The following HEATR5B variants were observed in gnomAD, a reference collection of about 807,000 sequenced individuals.
HEATR5B encodes HEAT repeat-containing protein 5B.
In HEATR5B, 156 loss-of-function variants were observed where a neutral mutation model predicts 224.1. The ratio of observed to expected loss-of-function variants is 0.70; its 90% confidence interval spans 0.61 to 0.80. HEATR5B has a LOEUF of 0.80. HEATR5B is among the 30% of genes least tolerant of loss of function. The pLI, the probability that HEATR5B is intolerant of heterozygous loss-of-function variation, is 0.00. For synonymous variants in HEATR5B, 1,027 were observed against 893.0 expected, an observed-to-expected ratio of 1.15 and a Z score of -2.68; for missense variants, 2,323 against 2,535.5, an observed-to-expected ratio of 0.92 and a Z score of 1.80.
intron 16 of HEATR5B, 118 bp downstream of exon 16, chr2:37,056,322 C>A: frequency 1.6e-6 from 1 of 620,620 alleles, no homozygotes; most frequent in South Asian, 3.5e-5. Flanking sequence ...TGTAAGAGTA[C>A]TGTTTTAAGT....
Position 37,048,330 on chromosome 2 carries a change from A to G in HEATR5B, c.2696+1323T>C, listed in dbSNP as rs146009039. Among the ~76,000 whole-genome samples the G allele has an allele frequency of 8.7e-4, 132 of 152,096 alleles. 1 individual carries two copies. The highest frequency in any genetic ancestry group is 2.5e-3 in the African/African-American group (102 of 41,500). On this transcript the variant is annotated intron_variant, in intron 18 of 35. Coordinates refer to ENST00000233099, the MANE Select transcript of HEATR5B (RefSeq NM_019024.3). ...CTCCCAAGTAGATGGGACGATAGGT[A>G]TATTCAACCATGCCCAGCTAATTTC...
chr2:37,053,503 T>G lies in HEATR5B; in HGVS notation c.2504A>C (p.Lys835Thr), dbSNP rs1403185167. 1 of 1,572,178 alleles carries G rather than the reference T, an allele frequency of 6.4e-7. No individual in the cohort carries two copies. Among genetic ancestry groups the G allele is most frequent in the Non-Finnish European group, 8.7e-7 (1 of 1,149,946 alleles). Residue 835 changes from lysine (K) to threonine (T), a missense_variant and splice_region_variant, in exon 17 of 36, where the codon AAG (lysine) becomes ACG (threonine). Coordinates refer to ENST00000233099, the MANE Select transcript of HEATR5B (RefSeq NM_019024.3). ...NIFTAVLSALKGLAENKSTLG... is the reference protein window; with the variant it reads ...NIFTAVLSALTGLAENKSTLG... ...ATAGTATGTATTAAAAGTAAATACC[T>G]TTAGTGCACTAAGAACAGCAGTAAA...
intron 33 of HEATR5B, among the ~76,000 whole-genome samples, chr2:36,991,460 A>G (rs1666323710): frequency 6.8e-6 from 1 of 147,664 alleles, no homozygotes. Flanking sequence ...GTGTCATTGC[A>G]CTCCAGCCTG....
In HEATR5B at chr2:37,039,615, C is replaced by T. The variant is rs528341943; in HGVS notation, c.3046+714G>A. Among the ~76,000 whole-genome samples, 23 of 152,108 alleles carry T rather than the reference C, an allele frequency of 1.5e-4. No individual in the cohort carries two copies. The East Asian group carries it at 1.5e-3, about 10-fold the overall frequency. On this transcript the variant is annotated intron_variant, in intron 20 of 35. Coordinates refer to ENST00000233099, the MANE Select transcript of HEATR5B (RefSeq NM_019024.3). ...TAATATCAGTCTCTGGGTTGTTATC[C>T]GAATTAAATAATGTATGTTAAAAGC... is the stretch of plus-strand genomic sequence containing the variant.
intron 10 of HEATR5B, 96 bp from the exon 11 acceptor site, chr2:37,062,146 G>T (rs1671320374): frequency 1.4e-6 from 1 of 738,536 alleles, no homozygotes; most frequent in Non-Finnish European, 2.3e-6. Flanking sequence ...GAAGTTGTTG[G>T]CTGGATGCGG....
chr2:37,072,091 C>T lies in HEATR5B; in HGVS notation c.769+19G>A. The T allele has an allele frequency of 1.2e-6, 2 of 1,600,266 alleles. No homozygotes were observed. Among genetic ancestry groups the T allele is most frequent in the African/African-American group, 2.7e-5 (2 of 74,648 alleles). The stretch of plus-strand genomic sequence containing the variant: ...TAATTAGGTCTGTTATGGTCTAAAT[C>T]AAGGGCAAACAACAATACCTGTTGC... On this transcript the variant is annotated intron_variant, in intron 6 of 35. Coordinates refer to ENST00000233099, the MANE Select transcript of HEATR5B (RefSeq NM_019024.3).
At chr2:37,070,791 C>T (rs1671857866) in intron 6 of HEATR5B, among the ~76,000 whole-genome samples, 1 of 152,198 alleles carries the variant, frequency 6.6e-6, no homozygotes, top group African/African-American at 2.4e-5. Context: ...TAAGATGTTA[C>T]TGGGAATGCA....
chr2:37,064,842 C>G lies in HEATR5B; in HGVS notation c.1482G>C (p.Leu494Phe), dbSNP rs1572922266. Residue 494 changes from leucine (L) to phenylalanine (F), a missense_variant, in exon 10 of 36, where the codon TTG (leucine) becomes TTC (phenylalanine). Leu to Phe is a conservative substitution (Grantham distance 22). Around this residue, in one of 12 missense-constraint regions of HEATR5B, gnomAD observed 502 missense variants for 517.8 expected, o/e 0.97. Coordinates refer to ENST00000233099, the MANE Select transcript of HEATR5B (RefSeq NM_019024.3). Reference sequence around the variant, plus strand: ...CACTGACAGCTTCTGGTGAGGTCTTCAAGTTGTTGAGCCGTTCTGCACACC... The same window carrying G: ...CACTGACAGCTTCTGGTGAGGTCTTGAAGTTGTTGAGCCGTTCTGCACACC... Reference protein sequence around the residue: ...LDRCAERLNNLKTSPEAVSGY... With the variant: ...LDRCAERLNNFKTSPEAVSGY... 3.1e-6 allele frequency: 5 copies of G among 1,614,080 alleles called. No homozygotes were observed. The highest frequency in any genetic ancestry group is 4.5e-5 in the East Asian group (2 of 44,882).
At chr2:37,016,229 C>A (rs1192742082) in intron 26 of HEATR5B, among the ~76,000 whole-genome samples, 1 of 151,442 alleles carries the variant, frequency 6.6e-6, no homozygotes, top group Non-Finnish European at 1.5e-5. Context: ...TCTCTTGCCT[C>A]AGCCTCACAA....
intron 10 of HEATR5B, among the ~76,000 whole-genome samples, chr2:37,064,335 G>T (rs1402396852): frequency 1.4e-5 from 2 of 140,326 alleles, no homozygotes; most frequent in Non-Finnish European, 1.5e-5. Flanking sequence ...CACCCAGGCT[G>T]AAGGACAGTG....
At chr2:37,060,085 G>C (rs1439187154) in intron 12 of HEATR5B, among the ~76,000 whole-genome samples, 1 of 152,094 alleles carries the variant, frequency 6.6e-6, no homozygotes, top group African/African-American at 2.4e-5. Flanking sequence ...TTAACTCCCA[G>C]ACAAAAACAA....
chr2:37,000,012 AAAAAAACAAAACAAACAAACAAAAACCCC>A, intron 33 of HEATR5B, among the ~76,000 whole-genome samples: 1 of 151,970 alleles, frequency 6.6e-6, no homozygotes, highest in East Asian at 1.9e-4. Flanking sequence ...ACTTTGTCTC[AAAAAAACAAAACAAACAAACAAAAACCCC>A]AAAAAACAAA....
chr2:36,995,815 A>G (rs536917578), intron 33 of HEATR5B, among the ~76,000 whole-genome samples: 17 of 152,284 alleles, frequency 1.1e-4, no homozygotes, highest in African/African-American at 3.6e-4. Flanking sequence ...ACACATTTTC[A>G]TTGTTGTAAG....
At chr2:37,029,932 T>C (rs1669016604) in intron 22 of HEATR5B, among the ~76,000 whole-genome samples, 1 of 140,686 alleles carries the variant, frequency 7.1e-6, no homozygotes. Flanking sequence ...AGACTCTATC[T>C]CAAAAAATAA....
At chr2:37,002,710 C>A in intron 31 of HEATR5B, 138 bp from the exon 32 acceptor site, 1 of 822,476 alleles carries the variant, frequency 1.2e-6, no homozygotes, top group South Asian at 1.8e-5. Context: ...CTGTATAATT[C>A]TCTGCCTCCC....
chr2:37,032,241 A>G (rs989479457), intron 22 of HEATR5B, among the ~76,000 whole-genome samples: 1 of 151,966 alleles, frequency 6.6e-6, no homozygotes, highest in African/African-American at 2.4e-5. Context: ...AGTCACTCAC[A>G]CCCAACTTTT....
intron 33 of HEATR5B, among the ~76,000 whole-genome samples, chr2:36,992,053 C>G (rs1203485804): frequency 1.3e-5 from 2 of 151,970 alleles, no homozygotes; most frequent in African/African-American, 4.8e-5. Context: ...CAAAAATTAG[C>G]TGGGCATGGT....
At chr2:37,039,684 A>C (rs1195113453) in intron 20 of HEATR5B, among the ~76,000 whole-genome samples, 4 of 152,222 alleles carry the variant, frequency 2.6e-5, no homozygotes, top group African/African-American at 9.6e-5. Context: ...AAGGAGAAAA[A>C]GGAAAACTCT....
intron 35 of HEATR5B, among the ~76,000 whole-genome samples, chr2:36,985,489 A>C (rs1484471425): frequency 1.5e-5 from 2 of 132,824 alleles, no homozygotes; most frequent in South Asian, 2.3e-4. Context: ...ACAGAGTCTC[A>C]CTCTGTTGCC....
Sources: allele counts gnomAD v4.1 joint callset (sites outside exome capture counted in the v4.1 genomes callset), GRCh38; gene constraint gnomAD v4.1.1; regional missense constraint gnomAD v4.1.1; transcripts MANE v1.5; gene names NCBI Gene and HGNC (gene_info 2026-07-23, HGNC 2026-07-21).